CNNM2: variants seen among roughly 807,000 people sequenced by gnomAD.
The protein encoded by CNNM2 is cyclin and CBS domain divalent metal cation transport mediator 2.
Under a neutral mutation model 66.9 loss-of-function variants are expected in CNNM2, and 12 were observed. That is an observed-to-expected ratio of 0.18 (90% CI 0.11 to 0.29). The LOEUF (loss-of-function observed/expected upper bound fraction) is 0.29, where lower values mean the gene tolerates loss of function less well. CNNM2 is among the 10% of genes least tolerant of loss of function. The pLI, the probability that CNNM2 is intolerant of heterozygous loss-of-function variation, is 1.00. For synonymous variants in CNNM2, 557 were observed against 501.8 expected (o/e 1.11, Z -1.47); for missense variants, 705 against 1,167.7 (o/e 0.60, Z 5.77).
At chr10:103,032,258 TG>T (rs1199841969) in intron 1 of CNNM2, among the ~76,000 whole-genome samples, 1 of 152,134 alleles carries the variant, frequency 6.6e-6, no homozygotes, top group Non-Finnish European at 1.5e-5. Context: ...AAGACCAGCC[TG>T]GCCAACATGG....
In CNNM2 at chr10:103,033,987, A is replaced by G. The variant is rs555195600; in HGVS notation, c.1622-15720A>G. 1.0e-3 allele frequency among the ~76,000 whole-genome samples: 158 copies of G among 152,188 alleles called. 1 individual carries two copies. In the South Asian group the frequency reaches 0.022, roughly 22 times the overall value. On this transcript the variant is annotated intron_variant, in intron 1 of 7. Coordinates refer to ENST00000369878, the MANE Select transcript of CNNM2 (RefSeq NM_017649.5). ...TGCTAGGATTTTAGGACAATGAGGA[A>G]GACCTTGAAATATTTTCACCCTTTC...
chr10:103,052,978 A>G (rs941837406), intron 2 of CNNM2, among the ~76,000 whole-genome samples: 1 of 152,234 alleles, frequency 6.6e-6, no homozygotes, highest in Admixed American at 6.5e-5. Flanking sequence ...CTAGTAATCA[A>G]TCTGTTTTGC....
In CNNM2 at chr10:103,089,148, G is replaced by A. The variant is rs2066083167; in HGVS notation, c.*11968G>A. On this transcript the variant is annotated 3_prime_UTR_variant, in exon 8 of 8. Transcript: ENST00000369878. ...GAAGCAGCCTTGCCAGAGTCACTGA[G>A]GATGAATTAAAGGCTTATAAAAGAA... 4.4e-6 allele frequency: 1 copy of A among 227,024 alleles called. No individual in the cohort carries two copies. Among genetic ancestry groups the A allele is most frequent in the Admixed American group, 5.7e-5 (1 of 17,590 alleles). 14.1% of individuals were successfully genotyped at this position (227,024 alleles called of 1,614,324 possible).
chr10:102,934,000 A>ATTTTAAC (rs1331819991), intron 1 of CNNM2, among the ~76,000 whole-genome samples: 1 of 140,498 alleles, frequency 7.1e-6, no homozygotes, highest in African/African-American at 2.6e-5. Context: ...TGCCCAGCTT[A>ATTTTAAC]TTTTAACTTT....
chr10:103,031,965 G>C (rs578200301), intron 1 of CNNM2, among the ~76,000 whole-genome samples: 4 of 152,220 alleles, frequency 2.6e-5, no homozygotes, highest in Non-Finnish European at 5.9e-5. Context: ...CAATGAGGCA[G>C]TGTCTGCCTG....
intron 1 of CNNM2, among the ~76,000 whole-genome samples, chr10:102,937,168 G>A (rs1382072446): frequency 6.6e-6 from 1 of 152,178 alleles, no homozygotes; most frequent in Non-Finnish European, 1.5e-5. Context: ...GTTAATAGGT[G>A]ACAAAAATCC....
At chr10:102,924,235 TC>T (rs1845764473) in intron 1 of CNNM2, among the ~76,000 whole-genome samples, 1 of 152,210 alleles carries the variant, frequency 6.6e-6, no homozygotes, top group South Asian at 2.1e-4. Flanking sequence ...GGCTCTCCAT[TC>T]ACCTGACAAA....
chr10:103,039,360 C>T (rs541696860), intron 1 of CNNM2, among the ~76,000 whole-genome samples: 5 of 152,274 alleles, frequency 3.3e-5, no homozygotes, highest in African/African-American at 4.8e-5. Context: ...TGGTCTCGAA[C>T]TCCTGACCTG....
chr10:102,947,721 A>G (rs1203325326), intron 1 of CNNM2, among the ~76,000 whole-genome samples: 1 of 151,918 alleles, frequency 6.6e-6, no homozygotes, highest in East Asian at 1.9e-4. Flanking sequence ...ACTGCACTCC[A>G]TCCAGCCTGG....
At chr10:103,032,392 A>C (rs2064843666) in intron 1 of CNNM2, among the ~76,000 whole-genome samples, 1 of 152,048 alleles carries the variant, frequency 6.6e-6, no homozygotes, top group Non-Finnish European at 1.5e-5. Flanking sequence ...TGGAGGTTGC[A>C]GCGAGCCGAG....
intron 6 of CNNM2, among the ~76,000 whole-genome samples, chr10:103,075,285 G>A (rs992253584): frequency 7.9e-5 from 12 of 152,202 alleles, no homozygotes; most frequent in African/African-American, 2.9e-4. Flanking sequence ...GTTCCTATCT[G>A]CAGTAGTTGG....
rs757849792 is a variant in CNNM2, at chr10:102,919,848, C to T, written c.1368C>T (p.Cys456=). ...ACGTGATGACCCCACTCCGGGACTG[C>T]TTCATGATCACCGGCGAAGCCATCC... ...VEDVMTPLRD[C]FMITGEAILD... is the part of the protein sequence containing the mutation. The change falls in exon 1 of 8, where the codon TGC becomes TGT. Residue 456 remains cysteine (C), a synonymous_variant. Transcript: ENST00000369878. The T allele has an allele frequency of 3.1e-6, 5 of 1,614,118 alleles. No homozygotes were observed. The highest frequency in any genetic ancestry group is 1.3e-5 in the African/African-American group (1 of 74,942).
chr10:103,056,241 A>C (rs1490270404), intron 3 of CNNM2, among the ~76,000 whole-genome samples: 1 of 152,024 alleles, frequency 6.6e-6, no homozygotes, highest in Non-Finnish European at 1.5e-5. Flanking sequence ...GTCTTTGTAA[A>C]TACTTTTGAA....
rs1845537579 is a variant in CNNM2, at chr10:102,919,174, A to T, written c.694A>T (p.Thr232Ser). The T allele has an allele frequency of 6.2e-7, 1 of 1,611,406 alleles. No homozygotes were observed. Among genetic ancestry groups the T allele is most frequent in the African/African-American group, 1.3e-5 (1 of 74,936 alleles). Residue 232 changes from threonine (T) to serine (S), a missense_variant, in exon 1 of 8, where the codon ACC becomes TCC. Thr to Ser is a moderately conservative substitution (Grantham distance 58). Coordinates refer to ENST00000369878, the MANE Select transcript of CNNM2 (RefSeq NM_017649.5). The part of the protein sequence containing the change: ...GLPPPPWAET[T>S]WIYHDGEDTK... ...CCCGCCGCCCCCGTGGGCCGAGACC[A>T]CCTGGATTTACCACGACGGCGAGGA...
At chr10:102,951,667 C>A (rs1193106134) in intron 1 of CNNM2, among the ~76,000 whole-genome samples, 1 of 142,248 alleles carries the variant, frequency 7.0e-6, no homozygotes, top group African/African-American at 2.6e-5. Flanking sequence ...CAGACAAGGT[C>A]TCACTTTGTT....
At chr10:102,992,273 CTT>C (rs35281835) in intron 1 of CNNM2, among the ~76,000 whole-genome samples, 21 of 108,468 alleles carry the variant, frequency 1.9e-4, no homozygotes, top group South Asian at 3.5e-4. Context: ...CTCCAAGTTC[CTT>C]TTTTTTTTTT....
rs779873849 is a variant in CNNM2, at chr10:103,081,514, C to T, written c.*4334C>T. 6 of 152,124 alleles carry T rather than the reference C, an allele frequency of 3.9e-5. No homozygotes were observed. The highest frequency in any genetic ancestry group is 7.4e-5 in the Non-Finnish European group (5 of 68,026). 9.4% of individuals were successfully genotyped at this position (152,124 alleles called of 1,614,324 possible). A position where few individuals can be genotyped will look rare whatever the true frequency, so the allele number is the denominator to read the frequency against. The stretch of plus-strand genomic sequence containing the variant: ...AGCAACTTCTCAGTGGATTTTTATA[C>T]CTCAGGGTCATTTGCAAATCTTTAT... On this transcript the variant is annotated 3_prime_UTR_variant, in exon 8 of 8. Transcript: ENST00000369878.
chr10:103,059,933 G>A (rs2065356583), intron 4 of CNNM2, among the ~76,000 whole-genome samples: 1 of 152,176 alleles, frequency 6.6e-6, no homozygotes, highest in Admixed American at 6.5e-5. Flanking sequence ...GAGGCCAGAA[G>A]TTTATCAGCC....
intron 1 of CNNM2, among the ~76,000 whole-genome samples, chr10:102,948,889 G>GAC (rs1846717801): frequency 2.0e-5 from 3 of 152,072 alleles, no homozygotes; most frequent in Non-Finnish European, 4.4e-5. Context: ...TAGAGAGAGA[G>GAC]AGGCAAAATA....
Sources: allele counts gnomAD v4.1 joint callset (sites outside exome capture counted in the v4.1 genomes callset), GRCh38; gene constraint gnomAD v4.1.1; transcripts MANE v1.5; gene names NCBI Gene and HGNC (gene_info 2026-07-23, HGNC 2026-07-21).